Variants in CNTN4 observed in about 807,000 individuals in gnomAD.
CNTN4 encodes the protein contactin-4.
CNTN4 carries 77 observed loss-of-function variants against 122.5 expected under a neutral mutation model. That is an observed-to-expected ratio of 0.63 (90% confidence interval 0.52 to 0.76). The LOEUF (loss-of-function observed/expected upper bound fraction) is 0.76. CNTN4 is among the 30% of genes least tolerant of loss of function. The pLI is 0.00. For missense variants in CNTN4, 1,256 were observed against 1,259.1 expected (o/e 1.00, Z 0.04); for synonymous variants, 512 against 447.0 (o/e 1.15, Z -1.83).
chr3:2,542,571 T>C (rs1361984238), intron 3 of CNTN4, among the ~76,000 whole-genome samples: 4 of 152,154 alleles, frequency 2.6e-5, no homozygotes, highest in African/African-American at 4.8e-5. Context: ...CAAATTTTGC[T>C]GAATGTCAGA....
At chr3:2,212,331 G>T (rs2038657354) in intron 2 of CNTN4, among the ~76,000 whole-genome samples, 1 of 152,084 alleles carries the variant, frequency 6.6e-6, no homozygotes, top group Non-Finnish European at 1.5e-5. Context: ...GTATTAGTCT[G>T]TTCTCTTGTT....
intron 2 of CNTN4, among the ~76,000 whole-genome samples, chr3:2,206,442 T>C (rs2038346340): frequency 6.6e-6 from 1 of 152,104 alleles, no homozygotes; most frequent in Admixed American, 6.6e-5. Context: ...TTTGTGTCAG[T>C]GTTCTCTAAA....
At chr3:2,672,248 G>A (rs111558922) in intron 4 of CNTN4, among the ~76,000 whole-genome samples, 19,934 of 152,206 alleles carry the variant, frequency 0.13, 1,533 homozygotes, top group African/African-American at 0.2. Flanking sequence ...TCCTTGAGCT[G>A]TGGTGGGCTC....
chr3:2,225,127 G>A (rs1435351485), intron 2 of CNTN4, among the ~76,000 whole-genome samples: 1 of 150,846 alleles, frequency 6.6e-6, no homozygotes, highest in Non-Finnish European at 1.5e-5. Context: ...CTCCAGCCTG[G>A]GCGACAGGGC....
chr3:2,930,256 A>C (rs1401709072), intron 13 of CNTN4, among the ~76,000 whole-genome samples: 1 of 152,164 alleles, frequency 6.6e-6, no homozygotes, highest in Non-Finnish European at 1.5e-5. Flanking sequence ...GGTTTTAATA[A>C]GGGAAAAAGT....
At chr3:2,375,943 C>T (rs1394782162) in intron 3 of CNTN4, among the ~76,000 whole-genome samples, 4 of 152,062 alleles carry the variant, frequency 2.6e-5, no homozygotes, top group African/African-American at 7.2e-5. Context: ...AGAGAAAACC[C>T]TCTGCTGTTC....
At chr3:2,769,555 C>T (rs1229770945) in intron 6 of CNTN4, among the ~76,000 whole-genome samples, 1 of 151,374 alleles carries the variant, frequency 6.6e-6, no homozygotes, top group Non-Finnish European at 1.5e-5. Flanking sequence ...TGTAATTTTT[C>T]ACGTTGAAAA....
chr3:2,410,784 C>G (rs577117547), intron 3 of CNTN4, among the ~76,000 whole-genome samples: 31 of 152,264 alleles, frequency 2.0e-4, no homozygotes, highest in African/African-American at 5.5e-4. Flanking sequence ...TGTGAATAAG[C>G]TTGGGGATAA....
Position 2,397,299 on chromosome 3 carries a change from AC to A in CNTN4, c.-89+58067del, listed in dbSNP as rs113124778. Among the ~76,000 whole-genome samples, 160 of 152,268 alleles carry A rather than the reference AC, an allele frequency of 1.1e-3. 1 individual carries two copies. In the Middle Eastern group the frequency reaches 0.027, roughly 26 times the overall value. On this transcript the variant is annotated intron_variant, in intron 3 of 24. Coordinates refer to ENST00000418658, the MANE Select transcript of CNTN4 (RefSeq NM_175607.3). ...ATATTCTTTGAAGCAAGAACTAAAA[AC>A]GTATTAATTTTTTGTTTGTTTGTTT...
intron 13 of CNTN4, among the ~76,000 whole-genome samples, chr3:2,965,385 A>G (rs893711024): frequency 3.3e-5 from 5 of 152,180 alleles, no homozygotes; most frequent in Non-Finnish European, 7.3e-5. Flanking sequence ...GGTGATGGAA[A>G]TATTCTATGT....
At chr3:2,601,491 G>T (rs2081045321) in intron 4 of CNTN4, among the ~76,000 whole-genome samples, 1 of 152,118 alleles carries the variant, frequency 6.6e-6, no homozygotes. Flanking sequence ...TGTCAGGTTT[G>T]TCAAAGATCG....
chr3:2,144,894 C>G (rs2035171916), intron 2 of CNTN4, among the ~76,000 whole-genome samples: 1 of 152,150 alleles, frequency 6.6e-6, no homozygotes. Context: ...ATTTATTGTA[C>G]TTACATAAAC....
At chr3:2,896,444 G>T (rs1206366546) in intron 10 of CNTN4, among the ~76,000 whole-genome samples, 1 of 152,140 alleles carries the variant, frequency 6.6e-6, no homozygotes, top group Non-Finnish European at 1.5e-5. Flanking sequence ...AGCCAGAGAA[G>T]CACAGATTAT....
intron 3 of CNTN4, among the ~76,000 whole-genome samples, chr3:2,470,372 G>T (rs914847975): frequency 6.6e-6 from 1 of 152,116 alleles, no homozygotes; most frequent in Admixed American, 6.5e-5. Context: ...ACCGCGCCTG[G>T]CCATGTTGCT....
chr3:2,842,813 C>T (rs2093387358), intron 7 of CNTN4, among the ~76,000 whole-genome samples: 1 of 152,108 alleles, frequency 6.6e-6, no homozygotes, highest in Admixed American at 6.6e-5. Flanking sequence ...CTTGGTACCC[C>T]CTTTAAATCC....
intron 6 of CNTN4, among the ~76,000 whole-genome samples, chr3:2,804,867 T>A (rs995709014): frequency 6.6e-6 from 1 of 152,114 alleles, no homozygotes; most frequent in African/African-American, 2.4e-5. Context: ...CCGGCTATTT[T>A]AGGGACACTG....
At chr3:2,106,094 T>TC (rs1361535684) in intron 2 of CNTN4, among the ~76,000 whole-genome samples, 22 of 152,210 alleles carry the variant, frequency 1.4e-4, no homozygotes, top group African/African-American at 5.3e-4. Flanking sequence ...ATGCAGGAGG[T>TC]GGGCTCCCAC....
chr3:2,277,345 A>G lies in CNTN4; in HGVS notation c.-144-61833A>G, dbSNP rs537400814. The stretch of plus-strand genomic sequence containing the variant: ...TTGAGTTGGTTTTTTAAATACTAAG[A>G]AAATGACTTTTGAAGTTAAAACACA... On this transcript the variant is annotated intron_variant, in intron 2 of 24. Coordinates refer to ENST00000418658, the MANE Select transcript of CNTN4 (RefSeq NM_175607.3). Among the ~76,000 whole-genome samples, 502 of 152,308 alleles carry G rather than the reference A, an allele frequency of 3.3e-3. 2 individuals are homozygous for G. The highest frequency in any genetic ancestry group is 0.014 in the Middle Eastern group (4 of 294).
chr3:2,834,580 A>G (rs1441223569), intron 7 of CNTN4, among the ~76,000 whole-genome samples: 1 of 152,172 alleles, frequency 6.6e-6, no homozygotes, highest in East Asian at 1.9e-4. Flanking sequence ...AAACAAACAA[A>G]CTACAGCAAC....
Sources: allele counts gnomAD v4.1 joint callset (sites outside exome capture counted in the v4.1 genomes callset), GRCh38; gene constraint gnomAD v4.1.1; transcripts MANE v1.5; gene names NCBI Gene and HGNC (gene_info 2026-07-23, HGNC 2026-07-21).